Variants in NCKAP5 observed in about 807,000 individuals in gnomAD.
NCKAP5 encodes the protein NCK associated protein 5.
In NCKAP5, 92 loss-of-function variants were observed where a neutral mutation model predicts 167.0. That is an observed-to-expected ratio of 0.55 (90% confidence interval 0.47 to 0.66). NCKAP5 has a LOEUF of 0.66. Among genes scored for constraint, NCKAP5 ranks in the 30% least tolerant of loss-of-function variants. NCKAP5 has a pLI of 0.00. For synonymous variants in NCKAP5, 891 were observed against 877.4 expected, an observed-to-expected ratio of 1.02 and a Z score of -0.27; for missense variants, 2,378 against 2,315.0, an observed-to-expected ratio of 1.03 and a Z score of -0.56.
chr2:132,925,233 G>A (rs1558948802), intron 8 of NCKAP5, among the ~76,000 whole-genome samples: 1 of 152,028 alleles, frequency 6.6e-6, no homozygotes, highest in Non-Finnish European at 1.5e-5. Context: ...CACATGTGAA[G>A]GTCACAATAA....
At chr2:133,295,390 G>T (rs1326046559) in intron 4 of NCKAP5, among the ~76,000 whole-genome samples, 1 of 152,148 alleles carries the variant, frequency 6.6e-6, no homozygotes, top group Non-Finnish European at 1.5e-5. Flanking sequence ...CGCAGCACAT[G>T]TTAGCAGGAT....
intron 8 of NCKAP5, among the ~76,000 whole-genome samples, chr2:132,907,052 A>G (rs1383978366): frequency 1.3e-5 from 2 of 152,232 alleles, no homozygotes; most frequent in Non-Finnish European, 2.9e-5. Context: ...GAAATTCCAA[A>G]AGAATATTTT....
intron 4 of NCKAP5, among the ~76,000 whole-genome samples, chr2:133,291,755 G>A (rs1248531515): frequency 2.6e-5 from 4 of 152,212 alleles, no homozygotes; most frequent in Admixed American, 1.3e-4. Context: ...CCCTCCAAAA[G>A]ACGTTTGCGT....
chr2:133,531,566 G>T (rs544183991), intron 2 of NCKAP5, among the ~76,000 whole-genome samples: 2 of 152,054 alleles, frequency 1.3e-5, no homozygotes, highest in South Asian at 2.1e-4. Context: ...TTTCCTGTCC[G>T]ATACTTACAA....
At chr2:133,082,891 G>T (rs1436260945) in intron 6 of NCKAP5, among the ~76,000 whole-genome samples, 1 of 152,104 alleles carries the variant, frequency 6.6e-6, no homozygotes, top group African/African-American at 2.4e-5. Flanking sequence ...TTAAAACAAT[G>T]CAATATTTAT....
At chr2:133,283,945 T>C (rs1466395385) in intron 4 of NCKAP5, among the ~76,000 whole-genome samples, 1 of 152,156 alleles carries the variant, frequency 6.6e-6, no homozygotes, top group African/African-American at 2.4e-5. Context: ...TTTTGCTTTA[T>C]AGATAAAGAA....
At chr2:132,851,938 T>C (rs1482646056) in intron 11 of NCKAP5, among the ~76,000 whole-genome samples, 1 of 152,160 alleles carries the variant, frequency 6.6e-6, no homozygotes, top group African/African-American at 2.4e-5. Flanking sequence ...TTACTTAATC[T>C]TTTCGTGCCG....
intron 15 of NCKAP5, among the ~76,000 whole-genome samples, chr2:132,780,092 C>G (rs146877518): frequency 3.9e-5 from 6 of 152,212 alleles, no homozygotes; most frequent in African/African-American, 1.4e-4. Flanking sequence ...AATTTTAAAA[C>G]AAAAATATTA....
chr2:133,302,796 A>T (rs1021837413), intron 4 of NCKAP5, among the ~76,000 whole-genome samples: 20 of 150,208 alleles, frequency 1.3e-4, no homozygotes, highest in African/African-American at 3.0e-4. Flanking sequence ...AAATAAAAAT[A>T]AAAAAAATAA....
At chr2:133,540,933 CAAAAAA>C (rs10666328) in intron 2 of NCKAP5, among the ~76,000 whole-genome samples, 3 of 100,056 alleles carry the variant, frequency 3.0e-5, no homozygotes, top group African/African-American at 7.4e-5. Context: ...GACTCTGTCT[CAAAAAA>C]AAAAAAAAAA....
intron 16 of NCKAP5, among the ~76,000 whole-genome samples, chr2:132,745,278 A>G (rs1413605843): frequency 6.6e-6 from 1 of 151,892 alleles, no homozygotes; most frequent in Non-Finnish European, 1.5e-5. Context: ...TTACCCAAGG[A>G]ATGTAAAATT....
intron 8 of NCKAP5, among the ~76,000 whole-genome samples, chr2:132,918,553 A>G (rs774611362): frequency 6.6e-6 from 1 of 152,206 alleles, no homozygotes; most frequent in Non-Finnish European, 1.5e-5. Context: ...TCCTCCAACT[A>G]AAATATAACA....
rs1471825216 is a variant in NCKAP5, at chr2:132,728,884, C to T, written c.5512G>A (p.Ala1838Thr). The change falls in exon 18 of 20, where the codon GCT (alanine) becomes ACT (threonine). Residue 1838 changes from alanine (A) to threonine (T), a missense_variant. Coordinates refer to ENST00000409261, the MANE Select transcript of NCKAP5 (RefSeq NM_207363.3). ...GGCTGGCTTGCCATTGGGTCTTCAG[C>T]ATATCCGAATGATGAGCATGTCTGA... is the stretch of plus-strand genomic sequence containing the variant. Reference protein sequence around the residue: ...RPQTCSSFGYAEDPMASQPLP... With the variant: ...RPQTCSSFGYTEDPMASQPLP... 3 of 1,614,006 alleles carry T rather than the reference C, an allele frequency of 1.9e-6. No individual in the cohort carries two copies. The highest frequency in any genetic ancestry group is 1.1e-5 in the South Asian group (1 of 91,080).
chr2:132,731,805 G>A lies in NCKAP5; in HGVS notation c.5375C>T (p.Ser1792Phe), dbSNP rs1317776086. ...PADSAIVHST[S>F]DPIMTARGMR... ...CCCTCTGGCGGTCATGATGGGGTCGGATGTGGAATGAACAATGGCGCTATC... is the reference window on the plus strand; with the variant it reads ...CCCTCTGGCGGTCATGATGGGGTCGAATGTGGAATGAACAATGGCGCTATC... Residue 1792 changes from serine to phenylalanine, a missense_variant, in exon 17 of 20, where the codon TCC becomes TTC. Transcript: ENST00000409261. The A allele has an allele frequency of 6.2e-7, 1 of 1,613,810 alleles. No homozygotes were observed. Among genetic ancestry groups the A allele is most frequent in the Non-Finnish European group, 8.5e-7 (1 of 1,179,866 alleles).
At chr2:133,548,537 A>G (rs1290664833) in intron 2 of NCKAP5, among the ~76,000 whole-genome samples, 4 of 151,990 alleles carry the variant, frequency 2.6e-5, no homozygotes, top group Non-Finnish European at 4.4e-5. Flanking sequence ...CTCTCGGCAG[A>G]AACCCTACAA....
intron 6 of NCKAP5, among the ~76,000 whole-genome samples, chr2:133,111,622 G>A (rs1203963470): frequency 6.6e-6 from 1 of 152,176 alleles, no homozygotes; most frequent in Admixed American, 6.5e-5. Flanking sequence ...ATAGCCCTCT[G>A]CCATGATTCT....
intron 6 of NCKAP5, among the ~76,000 whole-genome samples, chr2:133,115,746 G>T (rs1198373421): frequency 7.4e-6 from 1 of 134,964 alleles, no homozygotes; most frequent in African/African-American, 2.7e-5. Context: ...CATTTATCTG[G>T]AGGTAAATTG....
intron 6 of NCKAP5, among the ~76,000 whole-genome samples, chr2:133,071,304 G>A (rs1260529678): frequency 8.5e-5 from 13 of 152,132 alleles, no homozygotes; most frequent in Admixed American, 8.5e-4. Flanking sequence ...AATTAGCCGG[G>A]CGTAGTGGCG....
chr2:133,313,035 G>A (rs765771604), intron 3 of NCKAP5, among the ~76,000 whole-genome samples: 1 of 152,144 alleles, frequency 6.6e-6, no homozygotes, highest in Non-Finnish European at 1.5e-5. Flanking sequence ...GACAATAACA[G>A]ACTTTAAAAG....
Sources: gnomAD v4.1 joint callset for allele counts (sites outside exome capture counted in the v4.1 genomes callset) on GRCh38, gnomAD v4.1.1 for gene constraint, MANE v1.5 for transcripts, NCBI Gene and HGNC (gene_info 2026-07-23, HGNC 2026-07-21) for gene names.